ANKS1B: variants seen among roughly 807,000 people sequenced by gnomAD.
The protein encoded by ANKS1B is ankyrin repeat and sterile alpha motif domain containing 1B.
Under a neutral mutation model 148.3 loss-of-function variants are expected in ANKS1B, and 36 were observed. The ratio of observed to expected loss-of-function variants is 0.24; its 90% CI spans 0.19 to 0.32. ANKS1B has a LOEUF of 0.32. ANKS1B is among the 10% of genes least tolerant of loss of function. The pLI is 1.00. For synonymous variants in ANKS1B, 542 were observed against 560.8 expected (o/e 0.97, Z 0.47); for missense variants, 1,157 against 1,542.6 (o/e 0.75, Z 4.19).
chr12:99,098,806 T>C (rs543330034), intron 15 of ANKS1B, among the ~76,000 whole-genome samples: 33 of 150,758 alleles, frequency 2.2e-4, no homozygotes, highest in Admixed American at 1.3e-3. Flanking sequence ...TTTGTGGCCT[T>C]GGGAAAGTCA....
intron 17 of ANKS1B, among the ~76,000 whole-genome samples, chr12:98,891,827 C>A (rs529234814): frequency 6.6e-6 from 1 of 152,174 alleles, no homozygotes; most frequent in African/African-American, 2.4e-5. Context: ...TTGGCTATTG[C>A]CCACAGAAGG....
intron 9 of ANKS1B, among the ~76,000 whole-genome samples, chr12:99,587,871 G>A (rs561290484): frequency 6.6e-6 from 1 of 152,236 alleles, no homozygotes; most frequent in South Asian, 2.1e-4. Context: ...ATATCAACAT[G>A]GAGGGATTGA....
At chr12:99,927,929 GA>G (rs2094513540) in intron 1 of ANKS1B, among the ~76,000 whole-genome samples, 1 of 151,948 alleles carries the variant, frequency 6.6e-6, no homozygotes, top group Non-Finnish European at 1.5e-5. Flanking sequence ...AATCTTTAAG[GA>G]AAACCATACA....
intron 2 of ANKS1B, among the ~76,000 whole-genome samples, chr12:99,814,150 T>C (rs182648802): frequency 7.9e-5 from 12 of 151,702 alleles, no homozygotes; most frequent in Admixed American, 4.0e-4. Context: ...CTATATCACT[T>C]AGATTTGTGT....
At chr12:99,704,468 A>G (rs1443563018) in intron 8 of ANKS1B, among the ~76,000 whole-genome samples, 1 of 152,170 alleles carries the variant, frequency 6.6e-6, no homozygotes, top group African/African-American at 2.4e-5. Context: ...AAATAGAAAT[A>G]TATACACATA....
intron 17 of ANKS1B, among the ~76,000 whole-genome samples, chr12:99,044,143 T>A (rs2099960800): frequency 6.6e-6 from 1 of 152,198 alleles, no homozygotes; most frequent in African/African-American, 2.4e-5. Flanking sequence ...CTAGAATATT[T>A]CCCCTCTCAA....
At chr12:99,462,564 G>T (rs1229419611) in intron 10 of ANKS1B, among the ~76,000 whole-genome samples, 1 of 152,172 alleles carries the variant, frequency 6.6e-6, no homozygotes, top group African/African-American at 2.4e-5. Flanking sequence ...GAACTCAGTT[G>T]TTCTCAGTGG....
chr12:99,234,139 C>T (rs990447521), intron 14 of ANKS1B, among the ~76,000 whole-genome samples: 7 of 152,002 alleles, frequency 4.6e-5, no homozygotes, highest in Admixed American at 1.3e-4. Flanking sequence ...TAGTATCCTC[C>T]CAAAGCAAAA....
At chr12:99,660,857 T>A (rs2098474065) in intron 8 of ANKS1B, among the ~76,000 whole-genome samples, 1 of 152,110 alleles carries the variant, frequency 6.6e-6, no homozygotes, top group Non-Finnish European at 1.5e-5. Context: ...CCTCCCTCTG[T>A]ATCCCACCAC....
chr12:99,495,752 C>G (rs1193445476), intron 10 of ANKS1B, among the ~76,000 whole-genome samples: 1 of 152,196 alleles, frequency 6.6e-6, no homozygotes, highest in Non-Finnish European at 1.5e-5. Flanking sequence ...CCACAGAAAT[C>G]ATGTTGACAC....
intron 6 of ANKS1B, among the ~76,000 whole-genome samples, chr12:99,775,931 C>A (rs1039563493): frequency 2.0e-5 from 3 of 152,114 alleles, no homozygotes; most frequent in African/African-American, 7.2e-5. Context: ...TTAAAACATT[C>A]TTTCCTTAAA....
At chr12:99,099,172 C>G (rs2057246790) in intron 15 of ANKS1B, among the ~76,000 whole-genome samples, 1 of 152,166 alleles carries the variant, frequency 6.6e-6, no homozygotes, top group Non-Finnish European at 1.5e-5. Flanking sequence ...GTCACTCAAA[C>G]CCATGGCACC....
chr12:98,910,060 C>A (rs879600216), intron 17 of ANKS1B, among the ~76,000 whole-genome samples: 15 of 152,208 alleles, frequency 9.9e-5, no homozygotes, highest in Non-Finnish European at 1.3e-4. Context: ...GGTTTTAACT[C>A]TTTTCCTGAC....
chr12:99,952,467 A>G (rs2095244284), intron 1 of ANKS1B, among the ~76,000 whole-genome samples: 2 of 152,178 alleles, frequency 1.3e-5, no homozygotes, highest in African/African-American at 4.8e-5. Context: ...GTTTCATAGC[A>G]TCCGTTCTTG....
intron 24 of ANKS1B, among the ~76,000 whole-genome samples, chr12:98,777,319 T>C (rs1019196276): frequency 6.6e-6 from 1 of 152,136 alleles, no homozygotes; most frequent in Non-Finnish European, 1.5e-5. Flanking sequence ...AAAAAATTTT[T>C]AAAAACTCAA....
At chr12:98,915,475 C>T (rs1416974368) in intron 17 of ANKS1B, among the ~76,000 whole-genome samples, 7 of 152,144 alleles carry the variant, frequency 4.6e-5, no homozygotes, top group Non-Finnish European at 1.0e-4. Context: ...CCTCAGTGCC[C>T]TGAGTAGCTG....
At chr12:99,758,827 G>A (rs2061812177) in intron 8 of ANKS1B, among the ~76,000 whole-genome samples, 1 of 151,868 alleles carries the variant, frequency 6.6e-6, no homozygotes, top group African/African-American at 2.4e-5. Flanking sequence ...TAATTACTAT[G>A]ACAGTAAAAA....
At chr12:99,904,427 G>C (rs1460971691) in intron 1 of ANKS1B, among the ~76,000 whole-genome samples, 1 of 151,946 alleles carries the variant, frequency 6.6e-6, no homozygotes, top group African/African-American at 2.4e-5. Context: ...CCTGACCTCA[G>C]GTGATCCGCC....
chr12:99,926,181 T>C (rs2094473610), intron 1 of ANKS1B, among the ~76,000 whole-genome samples: 1 of 152,250 alleles, frequency 6.6e-6, no homozygotes, highest in Non-Finnish European at 1.5e-5. Flanking sequence ...AGTTAAACTT[T>C]AACTTGCTCT....
Sources: allele counts gnomAD v4.1 joint callset (sites outside exome capture counted in the v4.1 genomes callset), GRCh38; gene constraint gnomAD v4.1.1; transcripts MANE v1.5; gene names NCBI Gene and HGNC (gene_info 2026-07-23, HGNC 2026-07-21).